POU5F2: variants seen among roughly 807,000 people sequenced by gnomAD.
The protein encoded by POU5F2 is POU domain class 5, transcription factor 2.
For missense variants in POU5F2, 401 were observed against 426.6 expected (o/e 0.94, Z 0.53); for synonymous variants, 191 against 178.7 (o/e 1.07, Z -0.55).
rs1216926658 is a variant in POU5F2 at position 93,737,248 on chromosome 5, G to C, written c.*3329C>G. Reference sequence around the variant, plus strand: ...ATAACTTTAAGAAAGTGAAAGGCTTGTACACTGAAAACTAAAACACTGCTC... The same window carrying C: ...ATAACTTTAAGAAAGTGAAAGGCTTCTACACTGAAAACTAAAACACTGCTC... On this transcript the variant is annotated 3_prime_UTR_variant, in exon 1 of 1. Coordinates refer to ENST00000606183, the MANE Select transcript of POU5F2 (RefSeq NM_153216.2). 1.3e-5 allele frequency: 2 copies of C among 152,128 alleles called. No individual in the cohort carries two copies. The highest frequency in any genetic ancestry group is 3.8e-4 in the East Asian group (2 of 5,198). 9.4% of individuals were successfully genotyped at this position (152,128 alleles called of 1,614,324 possible). A position where few individuals can be genotyped will look rare whatever the true frequency, so the allele number is the denominator to read the frequency against.
chr5:93,741,102 C>T lies in POU5F2; in HGVS notation c.462G>A (p.Leu154=). The T allele has an allele frequency of 3.1e-6, 5 of 1,613,916 alleles. No individual in the cohort carries two copies. The highest frequency in any genetic ancestry group is 4.2e-6 in the Non-Finnish European group (5 of 1,179,906). ...TCGTCTGGCTAAGCACCTTCCCAAA[C>T]AGAGCTCCCACAGCGATCCCCACAT... is the stretch of plus-strand genomic sequence containing the variant. ...QADVGIAVGA[L]FGKVLSQTTI... is the part of the protein sequence containing the mutation. Residue 154 remains leucine (L), a synonymous_variant, in exon 1 of 1, where the codon CTG becomes CTA. Coordinates refer to ENST00000606183, the MANE Select transcript of POU5F2 (RefSeq NM_153216.2).
rs1026104228 is a variant in POU5F2, at chr5:93,736,312, A to G, written c.*4265T>C. The G allele has an allele frequency of 2.0e-5, 3 of 152,222 alleles. No individual in the cohort carries two copies. Among genetic ancestry groups the G allele is most frequent in the African/African-American group, 7.2e-5 (3 of 41,458 alleles). 9.4% of individuals were successfully genotyped at this position (152,222 alleles called of 1,614,324 possible). A position where few individuals can be genotyped will look rare whatever the true frequency, so the allele number is the denominator to read the frequency against. ...AGCTTATAGGTGTGTTCTGAAAACT[A>G]AAGTTGTTACAATTTGTTTATAATT... is the stretch of plus-strand genomic sequence containing the variant. On this transcript the variant is annotated 3_prime_UTR_variant, in exon 1 of 1. Coordinates refer to ENST00000606183, the MANE Select transcript of POU5F2 (RefSeq NM_153216.2).
rs988733337 is a variant in POU5F2, at chr5:93,737,592, G to A, written c.*2985C>T. Reference sequence around the variant, plus strand: ...ACACTTCCCCATTTCAAAACTTACTGCAAAGCTACAGTAGTCAAAACAGTG... The same window carrying A: ...ACACTTCCCCATTTCAAAACTTACTACAAAGCTACAGTAGTCAAAACAGTG... On this transcript the variant is annotated 3_prime_UTR_variant, in exon 1 of 1. Transcript: ENST00000606183. The A allele has an allele frequency of 2.5e-5, 4 of 158,260 alleles. No individual in the cohort carries two copies. The highest frequency in any genetic ancestry group is 5.5e-5 in the Non-Finnish European group (4 of 72,212). The allele number at this position is 158,260 out of a possible 1,614,324, so 9.8% of individuals were successfully genotyped here. A position where few individuals can be genotyped will look rare whatever the true frequency, so the allele number is the denominator to read the frequency against.
Position 93,734,122 on chromosome 5 carries a change from G to A in POU5F2, c.*6455C>T, listed in dbSNP as rs1430843062. 6.6e-6 allele frequency: 1 copy of A among 152,116 alleles called. No individual in the cohort carries two copies. The highest frequency in any genetic ancestry group is 1.5e-5 in the Non-Finnish European group (1 of 68,010). 9.4% of individuals were successfully genotyped at this position (152,116 alleles called of 1,614,324 possible). The stretch of plus-strand genomic sequence containing the variant: ...TCCAAACACCTCATGATTTCTTAGA[G>A]AATAAGAAAACTTCTAGGAAAAAGA... On this transcript the variant is annotated 3_prime_UTR_variant, in exon 1 of 1. Transcript: ENST00000606183.
At position 93,741,570 on chromosome 5, in the gene POU5F2, A is replaced by G; in HGVS notation, c.-7T>C. 1 of 1,529,028 alleles carries G rather than the reference A, an allele frequency of 6.5e-7. No homozygotes were observed. The highest frequency in any genetic ancestry group is 8.8e-7 in the Non-Finnish European group (1 of 1,139,156). The allele number at this position is 1,529,028 out of a possible 1,614,324, so 94.7% of individuals were successfully genotyped here. A position where few individuals can be genotyped will look rare whatever the true frequency, so the allele number is the denominator to read the frequency against. On this transcript the variant is annotated 5_prime_UTR_variant, in exon 1 of 1. Transcript: ENST00000606183. ...AGGGCCTGTGTCCGGCCATGGGTGGAATGGCACCCGCAGCGGCTCTGGTAG... is the reference window on the plus strand; with the variant it reads ...AGGGCCTGTGTCCGGCCATGGGTGGGATGGCACCCGCAGCGGCTCTGGTAG...
rs1746644198 is a variant in POU5F2, at chr5:93,733,832, A to T, written c.*6745T>A. ...TTTGTAGTTTTCACTTTAAAAACAC[A>T]GTTTGACATAAATAACACCATTTTG... is the stretch of plus-strand genomic sequence containing the variant. On this transcript the variant is annotated 3_prime_UTR_variant, in exon 1 of 1. Coordinates refer to ENST00000606183, the MANE Select transcript of POU5F2 (RefSeq NM_153216.2). 6.6e-6 allele frequency: 1 copy of T among 152,254 alleles called. No individual in the cohort carries two copies. Among genetic ancestry groups the T allele is most frequent in the Non-Finnish European group, 1.5e-5 (1 of 68,040 alleles). 9.4% of individuals were successfully genotyped at this position (152,254 alleles called of 1,614,324 possible).
At chr5:93,741,133 TG>T in the POU5F2 span, 1 of 1,613,888 alleles carries the variant, frequency 6.2e-7, no homozygotes, top group Non-Finnish European at 8.5e-7. Flanking sequence ...CACATCGGCC[TG>T]CGAGTACCCT....
At position 93,738,047 on chromosome 5, in the gene POU5F2, A is replaced by G; in HGVS notation, c.*2530T>C. 2.9e-6 allele frequency: 1 copy of G among 349,080 alleles called. No homozygotes were observed. Among genetic ancestry groups the G allele is most frequent in the South Asian group, 2.2e-5 (1 of 45,240 alleles). 21.6% of individuals were successfully genotyped at this position (349,080 alleles called of 1,614,324 possible). ...GTAAAAGGACAACCCACAGAATGGG[A>G]GAAAATACTTGCAAACCATCTATCT... On this transcript the variant is annotated 3_prime_UTR_variant, in exon 1 of 1. Coordinates refer to ENST00000606183, the MANE Select transcript of POU5F2 (RefSeq NM_153216.2).
rs972431161 is a variant in POU5F2 at position 93,733,837 on chromosome 5, G to A, written c.*6740C>T. ...AGTTTTCACTTTAAAAACACAGTTTGACATAAATAACACCATTTTGCATTC... is the reference window on the plus strand; with the variant it reads ...AGTTTTCACTTTAAAAACACAGTTTAACATAAATAACACCATTTTGCATTC... On this transcript the variant is annotated 3_prime_UTR_variant, in exon 1 of 1. Coordinates refer to ENST00000606183, the MANE Select transcript of POU5F2 (RefSeq NM_153216.2). The A allele has an allele frequency of 6.6e-6, 1 of 152,110 alleles. No homozygotes were observed. Among genetic ancestry groups the A allele is most frequent in the Non-Finnish European group, 1.5e-5 (1 of 68,014 alleles). The allele number at this position is 152,110 out of a possible 1,614,324, so 9.4% of individuals were successfully genotyped here.
rs755633703 is a variant in POU5F2, at chr5:93,740,607, T to C, written c.957A>G (p.Pro319=). 1.3e-6 allele frequency: 2 copies of C among 1,599,808 alleles called. No individual in the cohort carries two copies. Among genetic ancestry groups the C allele is most frequent in the Admixed American group, 1.7e-5 (1 of 59,770 alleles). ...YSAGVAHSSA[P]ATTLGLLRF ...ATCTGAGGAGGCCCAGAGTGGTGGC[T>C]GGGGCAGAGGAGTGGGCTACCCCTG... Residue 319 remains proline (P), a synonymous_variant, in exon 1 of 1, where the codon CCA becomes CCG. Transcript: ENST00000606183.
chr5:93,740,303 A>G lies in POU5F2; in HGVS notation c.*274T>C, dbSNP rs1406895715. 1 of 340,752 alleles carries G rather than the reference A, an allele frequency of 2.9e-6. No individual in the cohort carries two copies. The highest frequency in any genetic ancestry group is 2.1e-5 in the African/African-American group (1 of 47,708). 21.1% of individuals were successfully genotyped at this position (340,752 alleles called of 1,614,324 possible). A position where few individuals can be genotyped will look rare whatever the true frequency, so the allele number is the denominator to read the frequency against. Reference sequence around the variant, plus strand: ...ACAATATTTAATAAAAAAAGGAACAAAATATCGAAACCATCTATATACTGT... The same window carrying G: ...ACAATATTTAATAAAAAAAGGAACAGAATATCGAAACCATCTATATACTGT... On this transcript the variant is annotated 3_prime_UTR_variant, in exon 1 of 1. Transcript: ENST00000606183.
Position 93,739,063 on chromosome 5 carries a change from G to A in POU5F2, c.*1514C>T, listed in dbSNP as rs1747824659. ...ACAGTAAAATTATCCCTGGACTTGA[G>A]GTCAGAAGATCAGAGTTAACTCTCG... On this transcript the variant is annotated 3_prime_UTR_variant, in exon 1 of 1. Coordinates refer to ENST00000606183, the MANE Select transcript of POU5F2 (RefSeq NM_153216.2). 1 of 152,088 alleles carries A rather than the reference G, an allele frequency of 6.6e-6. No individual in the cohort carries two copies. The highest frequency in any genetic ancestry group is 2.1e-4 in the South Asian group (1 of 4,826). 9.4% of individuals were successfully genotyped at this position (152,088 alleles called of 1,614,324 possible).
In POU5F2 at chr5:93,740,921, C is replaced by T. The variant is rs760002979; in HGVS notation, c.643G>A (p.Ala215Thr). The part of the protein sequence containing the change: ...ILQQSGKWRR[A>T]SRERRIGNSL... The stretch of plus-strand genomic sequence containing the variant: ...TTTCCGATTCGTCGCTCTCTGCTTG[C>T]CCGTCTCCACTTCCCAGACTGTTGC... Residue 215 changes from alanine to threonine, a missense_variant, in exon 1 of 1, where the codon GCA becomes ACA. Coordinates refer to ENST00000606183, the MANE Select transcript of POU5F2 (RefSeq NM_153216.2). 6.2e-7 allele frequency: 1 copy of T among 1,613,884 alleles called. No individual in the cohort carries two copies. Among genetic ancestry groups the T allele is most frequent in the African/African-American group, 1.3e-5 (1 of 74,920 alleles).
In POU5F2 at chr5:93,740,608, G is replaced by A. The variant is rs779661856; in HGVS notation, c.956C>T (p.Pro319Leu). Reference protein sequence around the residue: ...YSAGVAHSSAPATTLGLLRF With the variant: ...YSAGVAHSSALATTLGLLRF ...TCTGAGGAGGCCCAGAGTGGTGGCT[G>A]GGGCAGAGGAGTGGGCTACCCCTGC... Residue 319 changes from proline to leucine, a missense_variant, in exon 1 of 1, where the codon CCA (proline) becomes CTA (leucine). Physicochemically the swap from Pro to Leu is moderately conservative, Grantham distance 98. Coordinates refer to ENST00000606183, the MANE Select transcript of POU5F2 (RefSeq NM_153216.2). 2 of 1,599,772 alleles carry A rather than the reference G, an allele frequency of 1.3e-6. No individual in the cohort carries two copies. The highest frequency in any genetic ancestry group is 1.7e-5 in the Admixed American group (1 of 59,782).
rs13161885 is a variant in POU5F2, at chr5:93,735,536, A to C, written c.*5041T>G. The C allele has an allele frequency of 0.085, 12,909 of 152,234 alleles. 774 individuals carry two copies. The highest frequency in any genetic ancestry group is 0.16 in the Middle Eastern group (47 of 292). 9.4% of individuals were successfully genotyped at this position (152,234 alleles called of 1,614,324 possible). A position where few individuals can be genotyped will look rare whatever the true frequency, so the allele number is the denominator to read the frequency against. On this transcript the variant is annotated 3_prime_UTR_variant, in exon 1 of 1. Coordinates refer to ENST00000606183, the MANE Select transcript of POU5F2 (RefSeq NM_153216.2). Reference sequence around the variant, plus strand: ...TTTACAGCTCTTATGTTCACAACACAATCAGAGTTGTTTATTCTGGCATTC... The same window carrying C: ...TTTACAGCTCTTATGTTCACAACACCATCAGAGTTGTTTATTCTGGCATTC...
At position 93,738,335 on chromosome 5, in the gene POU5F2, A is replaced by G. The variant is rs1211761625; in HGVS notation, c.*2242T>C. On this transcript the variant is annotated 3_prime_UTR_variant, in exon 1 of 1. Coordinates refer to ENST00000606183, the MANE Select transcript of POU5F2 (RefSeq NM_153216.2). ...GATATGGAAAAACTAGAACTCTTGT[A>G]GATTGCTGGTGGGAATGTAAAATGG... 6.5e-6 allele frequency: 1 copy of G among 152,800 alleles called. No individual in the cohort carries two copies. Among genetic ancestry groups the G allele is most frequent in the Non-Finnish European group, 1.5e-5 (1 of 68,460 alleles). The allele number at this position is 152,800 out of a possible 1,614,324, so 9.5% of individuals were successfully genotyped here.
rs767687556 is a variant in POU5F2 at position 93,741,289 on chromosome 5, A to G, written c.275T>C (p.Leu92Ser). 14 of 1,613,602 alleles carry G rather than the reference A, an allele frequency of 8.7e-6. No homozygotes were observed. The East Asian group carries it at 3.1e-4, about 36-fold the overall frequency. Reference protein sequence around the residue: ...RLGASEAGDWLRRPSEGALPG... With the variant: ...RLGASEAGDWSRRPSEGALPG... ...GAGGGCGCCTTCGGAGGGGCGTCGCAACCAGTCCCCTGCCTCACTAGCTCC... is the reference window on the plus strand; with the variant it reads ...GAGGGCGCCTTCGGAGGGGCGTCGCGACCAGTCCCCTGCCTCACTAGCTCC... The change falls in exon 1 of 1, where the codon TTG (leucine) becomes TCG (serine). Residue 92 changes from leucine to serine, a missense_variant. By Grantham distance (145) the Leu-to-Ser change is moderately radical. Transcript: ENST00000606183.
In POU5F2 at chr5:93,739,650, A is replaced by C. The variant is rs960423752; in HGVS notation, c.*927T>G. The stretch of plus-strand genomic sequence containing the variant: ...CCAAAGTAGAAGTGGAAAACTGAAA[A>C]GACCAATTTCAGAGATGAAATTAGA... On this transcript the variant is annotated 3_prime_UTR_variant, in exon 1 of 1. Transcript: ENST00000606183. The C allele has an allele frequency of 2.0e-5, 3 of 152,192 alleles. No individual in the cohort carries two copies. Among genetic ancestry groups the C allele is most frequent in the Non-Finnish European group, 4.4e-5 (3 of 68,040 alleles). 9.4% of individuals were successfully genotyped at this position (152,192 alleles called of 1,614,324 possible). A position where few individuals can be genotyped will look rare whatever the true frequency, so the allele number is the denominator to read the frequency against.
In POU5F2 at chr5:93,740,605, G is replaced by T; in HGVS notation, c.959C>A (p.Ala320Asp). 1 of 1,599,644 alleles carries T rather than the reference G, an allele frequency of 6.3e-7. No individual in the cohort carries two copies. Among genetic ancestry groups the T allele is most frequent in the South Asian group, 1.1e-5 (1 of 90,806 alleles). The change falls in exon 1 of 1, where the codon GCC becomes GAC. Residue 320 changes from alanine to aspartate, a missense_variant. By Grantham distance (126) the Ala-to-Asp change is moderately radical. Coordinates refer to ENST00000606183, the MANE Select transcript of POU5F2 (RefSeq NM_153216.2). ...SAGVAHSSAP[A>D]TTLGLLRF ...AAATCTGAGGAGGCCCAGAGTGGTG[G>T]CTGGGGCAGAGGAGTGGGCTACCCC...
Sources: gnomAD v4.1 joint callset for allele counts on GRCh38, gnomAD v4.1.1 for gene constraint, MANE v1.5 for transcripts, NCBI Gene and HGNC (gene_info 2026-07-23, HGNC 2026-07-21) for gene names.